The following ENKUR variants were observed in gnomAD, a reference collection of about 807,000 sequenced individuals.
ENKUR encodes enkurin.
A neutral mutation model predicts 27.6 loss-of-function variants in ENKUR; 19 were observed. The observed-to-expected ratio is 0.69, with a 90% CI of 0.48 to 1.01. The LOEUF is 1.01. Among genes scored for constraint, ENKUR ranks in the 50% least tolerant of loss-of-function variants. The pLI, the probability that ENKUR is intolerant of heterozygous loss-of-function variation, is 0.00. For synonymous variants in ENKUR, 117 were observed against 96.9 expected, an observed-to-expected ratio of 1.21 and a Z score of -1.22; for missense variants, 312 against 310.5, an observed-to-expected ratio of 1.00 and a Z score of -0.04.
chr10:25,016,997 C>T (rs944368929), upstream of ENKUR, among the ~76,000 whole-genome samples: 1 of 152,166 alleles, frequency 6.6e-6, no homozygotes, highest in Non-Finnish European at 1.5e-5. Context: ...GGGCCCGCGG[C>T]CTCCTCCGCC....
intron 2 of ENKUR, among the ~76,000 whole-genome samples, chr10:25,022,551 TAAGA>T (rs750573692): frequency 6.6e-6 from 1 of 152,230 alleles, no homozygotes; most frequent in Non-Finnish European, 1.5e-5. Flanking sequence ...AAAAGGCACA[TAAGA>T]AAGAAAATGT....
intron 3 of ENKUR, among the ~76,000 whole-genome samples, chr10:24,991,702 GCCCACGT>G (rs1849932936): frequency 6.6e-6 from 1 of 152,134 alleles, no homozygotes; most frequent in South Asian, 2.1e-4. Context: ...CATTCTCCAA[GCCCACGT>G]GTGATCCAAT....
intron 1 of ENKUR, among the ~76,000 whole-genome samples, chr10:25,006,107 C>T (rs1850308321): frequency 6.6e-6 from 1 of 152,200 alleles, no homozygotes; most frequent in South Asian, 2.1e-4. Context: ...TTCTATTAGA[C>T]TGTGCTGATC....
intron 2 of ENKUR, among the ~76,000 whole-genome samples, chr10:25,059,972 T>C (rs1305935679): frequency 6.6e-6 from 1 of 152,166 alleles, no homozygotes; most frequent in Non-Finnish European, 1.5e-5. Flanking sequence ...TTGTGTGCGT[T>C]CTGTGGGGTT....
chr10:25,055,766 C>T (rs1407589870), intron 2 of ENKUR, among the ~76,000 whole-genome samples: 1 of 152,170 alleles, frequency 6.6e-6, no homozygotes, highest in Non-Finnish European at 1.5e-5. Context: ...CTGCTCTTTA[C>T]ACTTTTACTG....
At chr10:25,050,799 A>G (rs1279474602) in intron 2 of ENKUR, among the ~76,000 whole-genome samples, 1 of 152,192 alleles carries the variant, frequency 6.6e-6, no homozygotes, top group Non-Finnish European at 1.5e-5. Context: ...GGGAATGTCT[A>G]TGAGACCTAC....
intron 1 of ENKUR, among the ~76,000 whole-genome samples, chr10:25,001,282 A>G (rs1850184153): frequency 6.6e-6 from 1 of 150,780 alleles, no homozygotes; most frequent in Non-Finnish European, 1.5e-5. Flanking sequence ...TCTTCTATAT[A>G]ATTTTTCTTT....
At chr10:24,992,206 G>A (rs767699283) in intron 3 of ENKUR, among the ~76,000 whole-genome samples, 16 of 152,170 alleles carry the variant, frequency 1.1e-4, no homozygotes, top group South Asian at 2.1e-4. Flanking sequence ...CAAAGTTTCC[G>A]TCTTCAGGGA....
chr10:25,055,307 T>C (rs2130493622), intron 2 of ENKUR, among the ~76,000 whole-genome samples: 1 of 151,426 alleles, frequency 6.6e-6, no homozygotes, highest in East Asian at 1.9e-4. Context: ...AAATAAGGGG[T>C]GATTTACCAT....
Position 24,995,734 on chromosome 10 carries a change from T to G in ENKUR, c.359A>C (p.Lys120Thr). ...AADIIMGVAK[K>T]PKPIYVDKRT... ...TTTATCAACATAAATTGGTTTAGGC[T>G]TTTTAGCCACTCCCATGATGATATC... The change falls in exon 3 of 6, where the codon AAG becomes ACG. Residue 120 changes from lysine to threonine, a missense_variant. Transcript: ENST00000331161. 6.2e-7 allele frequency: 1 copy of G among 1,614,052 alleles called. No individual in the cohort carries two copies. Among genetic ancestry groups the G allele is most frequent in the Non-Finnish European group, 8.5e-7 (1 of 1,179,992 alleles).
At chr10:24,994,656 A>G (rs1850004018) in intron 3 of ENKUR, among the ~76,000 whole-genome samples, 1 of 152,092 alleles carries the variant, frequency 6.6e-6, no homozygotes, top group South Asian at 2.1e-4. Context: ...TGTTTCAAGC[A>G]CTTTTAAGCT....
At chr10:25,048,763 G>A (rs543819164) in intron 2 of ENKUR, among the ~76,000 whole-genome samples, 1 of 152,222 alleles carries the variant, frequency 6.6e-6, no homozygotes, top group East Asian at 1.9e-4. Flanking sequence ...AGAGAGGCAA[G>A]GGATTCTTCC....
chr10:25,047,166 A>G (rs1196781363), intron 2 of ENKUR, among the ~76,000 whole-genome samples: 1 of 151,950 alleles, frequency 6.6e-6, no homozygotes, highest in African/African-American at 2.4e-5. Flanking sequence ...TGTAATTCAA[A>G]CTCTCAAGGT....
In ENKUR at chr10:25,052,772, TTTTTTTC is replaced by T. The variant is rs1035123391; in HGVS notation, c.37+8333_37+8339del. On this transcript the variant is annotated intron_variant, in intron 2 of 5. Coordinates refer to the ENKUR transcript ENST00000615958. Reference sequence around the variant, plus strand: ...TGAGTTACAGAGTGAGACTCTCTCTTTTTTTTCTTTTTTCTTTTTTTTGAGACGGAAT... The same window carrying T: ...TGAGTTACAGAGTGAGACTCTCTCTTTTTTTTCTTTTTTTTGAGACGGAAT... Among the ~76,000 whole-genome samples the T allele has an allele frequency of 4.5e-3, 323 of 71,250 alleles. 2 individuals carry two copies. Among genetic ancestry groups the T allele is most frequent in the East Asian group, 8.1e-3 (12 of 1,490 alleles). The allele number at this position is 71,250 out of a possible 152,430, so 46.7% of individuals were successfully genotyped here.
intron 1 of ENKUR, among the ~76,000 whole-genome samples, chr10:25,001,811 T>C: frequency 6.6e-6 from 1 of 152,188 alleles, no homozygotes; most frequent in East Asian, 1.9e-4. Context: ...TAAGGTCTTG[T>C]CTACTGATTC....
rs996877606 is a variant in ENKUR at position 24,993,500 on chromosome 10, A to G, written c.447+2146T>C. Among the ~76,000 whole-genome samples, 15 of 152,216 alleles carry G rather than the reference A, an allele frequency of 9.9e-5. No homozygotes were observed. In the East Asian group the frequency reaches 2.9e-3, roughly 29 times the overall value. On this transcript the variant is annotated intron_variant, in intron 3 of 5. Transcript: ENST00000331161. ...TGATCATCTATCCTTGCTTGTTTTCAGAAATTGTTTCTCATGGTATGAATG... is the reference window on the plus strand; with the variant it reads ...TGATCATCTATCCTTGCTTGTTTTCGGAAATTGTTTCTCATGGTATGAATG...
rs780289017 is a variant in ENKUR, at chr10:25,023,340, T to G, written c.38-27471A>C. On this transcript the variant is annotated intron_variant, in intron 2 of 5. Transcript: ENST00000615958. ...GATTTCTTTCAAGAACCTTTGCACTTGCGGAATTGAGGAAGTCATGGTATT... is the reference window on the plus strand; with the variant it reads ...GATTTCTTTCAAGAACCTTTGCACTGGCGGAATTGAGGAAGTCATGGTATT... The G allele has an allele frequency of 1.9e-6, 3 of 1,614,154 alleles. No homozygotes were observed. In the East Asian group the frequency reaches 6.7e-5, roughly 36 times the overall value.
At chr10:25,031,474 C>T in intron 2 of ENKUR, among the ~76,000 whole-genome samples, 1 of 152,166 alleles carries the variant, frequency 6.6e-6, no homozygotes, top group Non-Finnish European at 1.5e-5. Flanking sequence ...GAGCAGAAGA[C>T]ATGCTAAACT....
At chr10:25,039,999 C>T (rs1184427815) in intron 2 of ENKUR, among the ~76,000 whole-genome samples, 3 of 113,482 alleles carry the variant, frequency 2.6e-5, no homozygotes, top group South Asian at 3.1e-4. Flanking sequence ...GGCTGCTGGC[C>T]GTGGTACGTA....
Sources: gnomAD v4.1 joint callset for allele counts (sites outside exome capture counted in the v4.1 genomes callset) on GRCh38, gnomAD v4.1.1 for gene constraint, MANE v1.5 for transcripts, NCBI Gene and HGNC (gene_info 2026-07-23, HGNC 2026-07-21) for gene names.